ZNF486: variants seen among roughly 807,000 people sequenced by gnomAD.
ZNF486 encodes zinc finger protein 486, also known as KRAB box only protein 2.
Under a neutral mutation model 12.8 loss-of-function variants are expected in ZNF486, and 12 were observed. That is an observed-to-expected ratio of 0.94 (90% CI 0.60 to 1.52). The LOEUF is 1.52. Among genes scored for constraint, ZNF486 ranks in the 40% most tolerant of loss-of-function variants. The probability of loss-of-function intolerance (pLI) is 0.00; values close to 1 mark genes in which losing one functional copy is unlikely to be tolerated. For missense variants in ZNF486, 738 were observed against 545.0 expected, an observed-to-expected ratio of 1.35 and a Z score of -3.53; for synonymous variants, 231 against 184.9, an observed-to-expected ratio of 1.25 and a Z score of -2.02.
chr19:20,186,187 AGGAAATAGTTCCTG>A, intron 3 of ZNF486, 105 bp downstream of exon 3: 1 of 723,654 alleles, frequency 1.4e-6, no homozygotes, highest in Non-Finnish European at 2.1e-6. Context: ...TGTGTTCCAA[AGGAAATAGTTCCTG>A]GGCAGCTGTT....
At chr19:20,193,668 A>G (rs1555717517) in intron 3 of ZNF486, among the ~76,000 whole-genome samples, 1 of 151,410 alleles carries the variant, frequency 6.6e-6, no homozygotes, top group Non-Finnish European at 1.5e-5. Flanking sequence ...CTCAAAAAAT[A>G]AAAAAAAATA....
chr19:20,178,313 G>A (rs1394061530), intron 1 of ZNF486, among the ~76,000 whole-genome samples: 11 of 151,674 alleles, frequency 7.3e-5, no homozygotes, highest in East Asian at 1.9e-4. Flanking sequence ...GTGCCTTCTC[G>A]GCTCACTGCA....
Position 20,198,410 on chromosome 19 carries a change from C to A in ZNF486, c.*308C>A. 1 of 294,776 alleles carries A rather than the reference C, an allele frequency of 3.4e-6. No individual in the cohort carries two copies. The highest frequency in any genetic ancestry group is 6.4e-6 in the Non-Finnish European group (1 of 156,446). The allele number at this position is 294,776 out of a possible 1,614,324, so 18.3% of individuals were successfully genotyped here. On this transcript the variant is annotated 3_prime_UTR_variant, in exon 4 of 4. Coordinates refer to ENST00000335117, the MANE Select transcript of ZNF486 (RefSeq NM_052852.4). ...GAGCCACTGTGCCTGGCTGACAAAGCTTTTTAAGGAAGTTCTCAACCCTTA... is the reference window on the plus strand; with the variant it reads ...GAGCCACTGTGCCTGGCTGACAAAGATTTTTAAGGAAGTTCTCAACCCTTA...
At chr19:20,189,571 T>C (rs530875403) in intron 3 of ZNF486, among the ~76,000 whole-genome samples, 134 of 152,352 alleles carry the variant, frequency 8.8e-4, no homozygotes, top group African/African-American at 3.1e-3. Flanking sequence ...TTGTGTTTTT[T>C]TAATTTCTCT....
At chr19:20,184,590 G>A (rs2089822128) in intron 2 of ZNF486, 108 bp downstream of exon 2, 1 of 1,212,082 alleles carries the variant, frequency 8.3e-7, no homozygotes. Context: ...AGTTCCAGAT[G>A]TCCTTTTTCC....
At chr19:20,183,363 C>T (rs1050413731) in intron 1 of ZNF486, among the ~76,000 whole-genome samples, 2 of 152,116 alleles carry the variant, frequency 1.3e-5, no homozygotes, top group East Asian at 3.8e-4. Flanking sequence ...TATGGAATGG[C>T]ATTTATTATC....
At chr19:20,169,261 C>T (rs782713658) in intron 1 of ZNF486, among the ~76,000 whole-genome samples, 2 of 152,160 alleles carry the variant, frequency 1.3e-5, no homozygotes, top group Non-Finnish European at 2.9e-5. Context: ...ATTGCAGGCA[C>T]GCGCCGTCAC....
intron 1 of ZNF486, among the ~76,000 whole-genome samples, chr19:20,177,895 C>G (rs2089739472): frequency 6.8e-6 from 1 of 147,780 alleles, no homozygotes; most frequent in South Asian, 2.1e-4. Flanking sequence ...TCTTTCTGTT[C>G]TATTATTGTG....
chr19:20,185,703 T>C (rs1372578611), intron 2 of ZNF486, among the ~76,000 whole-genome samples: 1 of 151,772 alleles, frequency 6.6e-6, no homozygotes, highest in Non-Finnish European at 1.5e-5. Flanking sequence ...CCACTGCAAC[T>C]GGCCCTATTT....
At chr19:20,171,054 G>A (rs539983041) in intron 1 of ZNF486, among the ~76,000 whole-genome samples, 17 of 152,268 alleles carry the variant, frequency 1.1e-4, no homozygotes, top group Admixed American at 3.3e-4. Context: ...GGGACCGAGG[G>A]TCTATGCTGA....
chr19:20,196,059 C>T (rs1288401034), intron 3 of ZNF486, among the ~76,000 whole-genome samples: 1 of 152,160 alleles, frequency 6.6e-6, no homozygotes, highest in Admixed American at 6.5e-5. Flanking sequence ...CATTCTGTTA[C>T]CTAGTCTCAA....
chr19:20,172,652 C>CTTT (rs111564628), intron 1 of ZNF486, among the ~76,000 whole-genome samples: 1 of 140,774 alleles, frequency 7.1e-6, no homozygotes, highest in Non-Finnish European at 1.6e-5. Flanking sequence ...TGTTTAAGTT[C>CTTT]TTTTTTTTTT....
In ZNF486 at chr19:20,197,179, G is replaced by A. The variant is rs2089966987; in HGVS notation, c.469G>A (p.Gly157Ser). ...TTTQSKIFQC[G>S]KYVKVFHQFS... ...TACCCAGAGCAAAATATTTCAATGTGGTAAATATGTGAAAGTCTTTCATCA... is the reference window on the plus strand; with the variant it reads ...TACCCAGAGCAAAATATTTCAATGTAGTAAATATGTGAAAGTCTTTCATCA... Residue 157 changes from glycine to serine, a missense_variant, in exon 4 of 4, where the codon GGT becomes AGT. Transcript: ENST00000335117. The A allele has an allele frequency of 6.2e-7, 1 of 1,613,328 alleles. No homozygotes were observed. The highest frequency in any genetic ancestry group is 1.7e-5 in the Admixed American group (1 of 59,904).
rs2089927418 is a variant in ZNF486 at position 20,193,746 on chromosome 19, T to C, written c.254-3218T>C. ...TTTTCTGCAATAGAAAAACTTACTG[T>C]TATTTTTATTAATTGTTTTATTTGA... On this transcript the variant is annotated intron_variant, in intron 3 of 3. Transcript: ENST00000335117. Among the ~76,000 whole-genome samples, 3 of 152,120 alleles carry C rather than the reference T, an allele frequency of 2.0e-5. No homozygotes were observed. In the South Asian group the frequency reaches 6.2e-4, roughly 31 times the overall value.
At chr19:20,187,740 T>G (rs1555716731) in intron 3 of ZNF486, among the ~76,000 whole-genome samples, 1 of 152,084 alleles carries the variant, frequency 6.6e-6, no homozygotes, top group East Asian at 1.9e-4. Flanking sequence ...CCTGACCTCG[T>G]GATCCATCCG....
chr19:20,195,019 T>A (rs1229624096), intron 3 of ZNF486, among the ~76,000 whole-genome samples: 1 of 152,156 alleles, frequency 6.6e-6, no homozygotes, highest in Non-Finnish European at 1.5e-5. Flanking sequence ...GGTTTCTATT[T>A]TTTTCTTATA....
chr19:20,171,129 C>T (rs2089643179), intron 1 of ZNF486, among the ~76,000 whole-genome samples: 1 of 152,104 alleles, frequency 6.6e-6, no homozygotes. Context: ...GTTTGATGTT[C>T]AGCAAACTCT....
chr19:20,178,367 C>T (rs1293532625), intron 1 of ZNF486, among the ~76,000 whole-genome samples: 2 of 152,104 alleles, frequency 1.3e-5, no homozygotes, highest in Non-Finnish European at 2.9e-5. Flanking sequence ...CCTCAGCCTC[C>T]TGAATAGCTG....
Position 20,167,318 on chromosome 19 carries a change from A to T in ZNF486, c.-13A>T, listed in dbSNP as rs2089594375. 6.2e-7 allele frequency: 1 copy of T among 1,613,758 alleles called. No homozygotes were observed. The highest frequency in any genetic ancestry group is 1.3e-5 in the African/African-American group (1 of 74,868). On this transcript the variant is annotated 5_prime_UTR_variant, in exon 1 of 4. Transcript: ENST00000335117. The stretch of plus-strand genomic sequence containing the variant: ...CCCTGTGTCCTGTAGGTATTGGGAG[A>T]TCCACAGCCAAGATGCCGGGACCCC...
Sources: gnomAD v4.1 joint callset for allele counts (sites outside exome capture counted in the v4.1 genomes callset) on GRCh38, gnomAD v4.1.1 for gene constraint, MANE v1.5 for transcripts, NCBI Gene and HGNC (gene_info 2026-07-23, HGNC 2026-07-21) for gene names.